Variants in LAMC2 observed in about 807,000 individuals in gnomAD.
LAMC2 encodes laminin subunit gamma-2.
In LAMC2, 97 loss-of-function variants were observed where a neutral mutation model predicts 140.2. The observed-to-expected ratio is 0.69, with a 90% confidence interval of 0.59 to 0.82. The LOEUF (loss-of-function observed/expected upper bound fraction) is 0.82. Among genes scored for constraint, LAMC2 ranks in the 40% least tolerant of loss-of-function variants. The probability of loss-of-function intolerance (pLI) is 0.00; values close to 1 mark genes in which losing one functional copy is unlikely to be tolerated. For missense variants in LAMC2, 1,402 were observed against 1,476.1 expected (o/e 0.95, Z 0.82); for synonymous variants, 513 against 540.2 (o/e 0.95, Z 0.70).
At chr1:183,237,232 A>G in intron 17 of LAMC2, 120 bp from the exon 18 acceptor site, 2 of 1,107,692 alleles carry the variant, frequency 1.8e-6, no homozygotes, top group Non-Finnish European at 2.7e-6. Context: ...ATGGCTAGTG[A>G]CTATTTTCTT....
intron 4 of LAMC2, among the ~76,000 whole-genome samples, chr1:183,218,775 G>A (rs759937957): frequency 1.3e-5 from 2 of 152,152 alleles, no homozygotes; most frequent in Non-Finnish European, 2.9e-5. Context: ...CCCACCAGCT[G>A]GCTCCAAATC....
intron 2 of LAMC2, among the ~76,000 whole-genome samples, chr1:183,211,895 T>C (rs1009339827): frequency 6.6e-6 from 1 of 152,216 alleles, no homozygotes; most frequent in Non-Finnish European, 1.5e-5. Context: ...TGAATGTGCT[T>C]ACTGGGACAC....
chr1:183,201,334 A>G (rs952988965), intron 1 of LAMC2, among the ~76,000 whole-genome samples: 2 of 152,110 alleles, frequency 1.3e-5, no homozygotes, highest in East Asian at 2.0e-4. Flanking sequence ...GCAATATCTT[A>G]ATGCCAGATC....
rs983086821 is a variant in LAMC2, at chr1:183,244,794, G to A, written c.*1394G>A. On this transcript the variant is annotated 3_prime_UTR_variant, in exon 23 of 23. Coordinates refer to ENST00000264144, the MANE Select transcript of LAMC2 (RefSeq NM_005562.3). ...ATAACACCAGTGGGAATTGCTGGAGGAACCAGAGGCACTTCCACCTTGGCT... is the reference window on the plus strand; with the variant it reads ...ATAACACCAGTGGGAATTGCTGGAGAAACCAGAGGCACTTCCACCTTGGCT... 6.6e-6 allele frequency: 1 copy of A among 152,638 alleles called. No homozygotes were observed. The highest frequency in any genetic ancestry group is 1.5e-5 in the Non-Finnish European group (1 of 68,044). 9.5% of individuals were successfully genotyped at this position (152,638 alleles called of 1,614,324 possible). A position where few individuals can be genotyped will look rare whatever the true frequency, so the allele number is the denominator to read the frequency against.
At position 183,215,561 on chromosome 1, in the gene LAMC2, C is replaced by G. The variant is rs371937049; in HGVS notation, c.377C>G (p.Ala126Gly). 7.4e-6 allele frequency: 12 copies of G among 1,614,006 alleles called. 1 individual carries two copies. The highest frequency in any genetic ancestry group is 3.3e-4 in the Middle Eastern group (2 of 6,078). Residue 126 changes from alanine (A) to glycine (G), a missense_variant, in exon 3 of 23, where the codon GCG (alanine) becomes GGG (glycine). Around this residue, in one of 3 missense-constraint regions of LAMC2, gnomAD observed 723 missense variants for 783.3 expected, o/e 0.92. Coordinates refer to ENST00000264144, the MANE Select transcript of LAMC2 (RefSeq NM_005562.3). ...CLPGFHMLTD[A>G]GCTQDQRLLD... Reference sequence around the variant, plus strand: ...CCAGGCTTCCACATGCTCACGGATGCGGGGTGCACCCAAGACCAGAGACTG... The same window carrying G: ...CCAGGCTTCCACATGCTCACGGATGGGGGGTGCACCCAAGACCAGAGACTG...
intron 1 of LAMC2, among the ~76,000 whole-genome samples, chr1:183,204,727 T>C (rs1274718371): frequency 2.6e-5 from 4 of 152,188 alleles, no homozygotes; most frequent in Non-Finnish European, 5.9e-5. Flanking sequence ...TAGAAAAAGA[T>C]TATAACAAGT....
intron 1 of LAMC2, among the ~76,000 whole-genome samples, chr1:183,206,672 G>A (rs1404202246): frequency 1.4e-5 from 2 of 141,654 alleles, no homozygotes; most frequent in African/African-American, 5.3e-5. Flanking sequence ...AAAAAAAGAT[G>A]TACATTGTCC....
chr1:183,223,785 A>T (rs1659545355), intron 7 of LAMC2, among the ~76,000 whole-genome samples: 1 of 152,198 alleles, frequency 6.6e-6, no homozygotes, highest in South Asian at 2.1e-4. Context: ...GTGAAGCATG[A>T]AGTCGGCGAT....
At position 183,240,180 on chromosome 1, in the gene LAMC2, T is replaced by C. The variant is rs1660088366; in HGVS notation, c.3210T>C (p.Asn1070=). The C allele has an allele frequency of 6.2e-7, 1 of 1,614,196 alleles. No homozygotes were observed. The highest frequency in any genetic ancestry group is 1.6e-4 in the Middle Eastern group (1 of 6,062). ...LERKELEFDT[N]MDAVQMVITE... is the part of the protein sequence containing the mutation. ...GGAAGGAGCTGGAGTTTGACACGAA[T>C]ATGGATGCAGTACAGATGGTGAGTT... Residue 1070 remains asparagine, a synonymous_variant, in exon 21 of 23, where the codon AAT becomes AAC. Transcript: ENST00000264144.
At chr1:183,229,251 G>C (rs1031117150) in intron 11 of LAMC2, among the ~76,000 whole-genome samples, 2 of 152,096 alleles carry the variant, frequency 1.3e-5, no homozygotes, top group African/African-American at 4.8e-5. Context: ...AGTTCTAGAG[G>C]AGCTGGCCTG....
At chr1:183,226,576 T>G in intron 8 of LAMC2, 122 bp from the exon 9 acceptor site, 1 of 846,934 alleles carries the variant, frequency 1.2e-6, no homozygotes, top group Non-Finnish European at 2.0e-6. Context: ...CTACATGGCA[T>G]GATATATGAA....
At chr1:183,226,090 A>G (rs73049780) in intron 8 of LAMC2, among the ~76,000 whole-genome samples, 2,468 of 151,266 alleles carry the variant, frequency 0.016, 71 homozygotes, top group African/African-American at 0.057. Context: ...TCCTTTTGAG[A>G]TTATACTCCA....
chr1:183,253,471 C>A, the LAMC2 span, among the ~76,000 whole-genome samples: 1 of 151,856 alleles, frequency 6.6e-6, no homozygotes, highest in African/African-American at 2.4e-5. Flanking sequence ...TTAGCAAAAA[C>A]CCTAAATATA....
intron 15 of LAMC2, 87 bp from the exon 16 acceptor site, chr1:183,235,488 C>T: frequency 6.9e-7 from 1 of 1,444,384 alleles, no homozygotes; most frequent in Non-Finnish European, 9.6e-7. Flanking sequence ...GACCAGCTCC[C>T]GTACTCTTTG....
In LAMC2 at chr1:183,232,803, C is replaced by T. The variant is rs1266193466; in HGVS notation, c.2166C>T (p.Leu722=). 3 of 1,614,138 alleles carry T rather than the reference C, an allele frequency of 1.9e-6. No individual in the cohort carries two copies. The highest frequency in any genetic ancestry group is 1.7e-6 in the Non-Finnish European group (2 of 1,180,022). The part of the protein sequence containing the change: ...YQNRVRDTHR[L]ITQMQLSLAE... ...ACCGAGTTCGGGATACTCACAGGCT[C>T]ATCACTCAGATGCAGCTGAGCCTGG... Residue 722 remains leucine (L), a synonymous_variant, in exon 14 of 23, where the codon CTC becomes CTT. Transcript: ENST00000264144.
chr1:183,225,563 T>C lies in LAMC2; in HGVS notation c.954-45T>C, dbSNP rs1289099887. 4 of 1,269,146 alleles carry C rather than the reference T, an allele frequency of 3.2e-6. No homozygotes were observed. The Admixed American group carries it at 6.7e-5, about 21-fold the overall frequency. The allele number at this position is 1,269,146 out of a possible 1,614,324, so 78.6% of individuals were successfully genotyped here. A position where few individuals can be genotyped will look rare whatever the true frequency, so the allele number is the denominator to read the frequency against. On this transcript the variant is annotated intron_variant, in intron 7 of 22. Coordinates refer to ENST00000264144, the MANE Select transcript of LAMC2 (RefSeq NM_005562.3). ...GCATAATTTATAACAGGTAGGTATG[T>C]GGTAAGAATCGGATTTTTAAAGCTT...
In LAMC2 at chr1:183,188,900, G is replaced by T. The variant is rs188416719; in HGVS notation, c.79+2469G>T. The stretch of plus-strand genomic sequence containing the variant: ...AATATGCTTGTGAAGGGCTTTATGT[G>T]CCAGGCTGTTCAGTAGGATGGTGCC... On this transcript the variant is annotated intron_variant, in intron 1 of 22. Transcript: ENST00000264144. 1.2e-3 allele frequency among the ~76,000 whole-genome samples: 183 copies of T among 152,334 alleles called. 1 individual carries two copies. Among genetic ancestry groups the T allele is most frequent in the Non-Finnish European group, 2.4e-3 (163 of 68,032 alleles).
At position 183,192,872 on chromosome 1, in the gene LAMC2, T is replaced by G. The variant is rs1304383225; in HGVS notation, c.79+6441T>G. 2.0e-5 allele frequency among the ~76,000 whole-genome samples: 3 copies of G among 152,266 alleles called. No individual in the cohort carries two copies. The East Asian group carries it at 5.8e-4, about 29-fold the overall frequency. Reference sequence around the variant, plus strand: ...GGGGTGCACCACCATGCCTGACTAATTTTTTGTATTTTTAGTAGAGACGGG... The same window carrying G: ...GGGGTGCACCACCATGCCTGACTAAGTTTTTGTATTTTTAGTAGAGACGGG... On this transcript the variant is annotated intron_variant, in intron 1 of 22. Transcript: ENST00000264144.
intron 14 of LAMC2, among the ~76,000 whole-genome samples, chr1:183,233,370 G>A (rs1659855130): frequency 6.6e-6 from 1 of 152,110 alleles, no homozygotes; most frequent in Non-Finnish European, 1.5e-5. Context: ...ACATGGTTTT[G>A]AAAATGGGAA....
Sources: gnomAD v4.1 joint callset for allele counts (sites outside exome capture counted in the v4.1 genomes callset) on GRCh38, gnomAD v4.1.1 for gene constraint, gnomAD v4.1.1 regional missense constraint, MANE v1.5 for transcripts, NCBI Gene and HGNC (gene_info 2026-07-23, HGNC 2026-07-21) for gene names.